Variants in SGK3 observed in about 807,000 individuals in gnomAD.
The protein encoded by SGK3 is serum/glucocorticoid regulated kinase family member 3.
SGK3 carries 47 observed loss-of-function variants against 68.5 expected under a neutral mutation model. That is an observed-to-expected ratio of 0.69 (90% CI 0.54 to 0.87). The LOEUF is 0.87. Ranked by LOEUF, SGK3 falls within the 40% of genes least tolerant of loss-of-function variation. The pLI is 0.00. For synonymous variants in SGK3, 181 were observed against 189.1 expected (o/e 0.96, Z 0.35); for missense variants, 479 against 575.5 (o/e 0.83, Z 1.72).
At chr8:66,793,466 C>T (rs1290837586) in intron 1 of SGK3, 150 bp from the exon 2 acceptor site, 2 of 258,134 alleles carry the variant, frequency 7.7e-6, no homozygotes, top group South Asian at 1.2e-4. Flanking sequence ...AGGAACATAA[C>T]AAACTAAATC....
At position 66,762,443 on chromosome 8, in the gene SGK3, G is replaced by A. The variant is rs531783798; in HGVS notation, c.-121-31173G>A. Among the ~76,000 whole-genome samples the A allele has an allele frequency of 2.0e-4, 30 of 152,196 alleles. 1 individual carries two copies. Among genetic ancestry groups the A allele is most frequent in the African/African-American group, 6.7e-4 (28 of 41,552 alleles). ...GAGGCAGGAGAATTGCTTGAACCAG[G>A]GAGTTGGAGGTTACAGTGAGCCAAG... On this transcript the variant is annotated intron_variant, in intron 1 of 16. Coordinates refer to ENST00000521198, the MANE Select transcript of SGK3 (RefSeq NM_001033578.3).
At chr8:66,767,922 A>T (rs762638883) in intron 1 of SGK3, 1 of 1,082,256 alleles carries the variant, frequency 9.2e-7, no homozygotes, top group Non-Finnish European at 1.4e-6. Context: ...TTGAAGGTCC[A>T]GACCCCAGCT....
chr8:66,818,004 A>G (rs1808663177), intron 5 of SGK3, among the ~76,000 whole-genome samples: 1 of 152,134 alleles, frequency 6.6e-6, no homozygotes, highest in African/African-American at 2.4e-5. Context: ...CCAACTGCTC[A>G]GGAGGCTGAG....
chr8:66,809,666 A>T (rs942457816), intron 4 of SGK3, among the ~76,000 whole-genome samples: 1 of 152,246 alleles, frequency 6.6e-6, no homozygotes, highest in African/African-American at 2.4e-5. Flanking sequence ...ATTTATTTGT[A>T]CCAAAGAGAT....
Position 66,847,174 on chromosome 8 carries a change from T to G in SGK3, c.1075-19T>G, listed in dbSNP as rs778766651. ...AATTTGTTTACCACTAAGTTTATTT[T>G]GCTTTTTTTTTTTTCCAGCCTCCTT... On this transcript the variant is annotated intron_variant, in intron 14 of 16. Transcript: ENST00000521198. The G allele has an allele frequency of 8.8e-6, 14 of 1,586,448 alleles. No individual in the cohort carries two copies. The highest frequency in any genetic ancestry group is 1.2e-5 in the Non-Finnish European group (14 of 1,170,430).
chr8:66,755,951 T>A (rs916747372), intron 1 of SGK3, among the ~76,000 whole-genome samples: 15 of 152,098 alleles, frequency 9.9e-5, no homozygotes, highest in Admixed American at 9.2e-4. Context: ...AGCCAAAGTG[T>A]GATAGCCTGA....
chr8:66,812,526 C>G (rs1227778916), intron 4 of SGK3, among the ~76,000 whole-genome samples: 2 of 151,816 alleles, frequency 1.3e-5, no homozygotes, highest in Admixed American at 6.6e-5. Context: ...CCACTGCACT[C>G]CAGCCTGGGT....
chr8:66,809,826 G>A (rs74451477), intron 4 of SGK3, among the ~76,000 whole-genome samples: 4,676 of 152,284 alleles, frequency 0.031, 110 homozygotes, highest in South Asian at 0.054. Context: ...TAGGGCAGAA[G>A]GATCTGCTTC....
chr8:66,842,376 A>G (rs1045647318), intron 13 of SGK3, among the ~76,000 whole-genome samples: 1 of 151,838 alleles, frequency 6.6e-6, no homozygotes, highest in East Asian at 1.9e-4. Context: ...GCCCGCCACC[A>G]CGCCTGGCTA....
chr8:66,814,084 C>A (rs897482192), intron 5 of SGK3, among the ~76,000 whole-genome samples, 156 bp downstream of exon 5: 3 of 152,118 alleles, frequency 2.0e-5, no homozygotes, highest in Non-Finnish European at 4.4e-5. Context: ...TACTCTTTCT[C>A]CCCTTTTCTC....
chr8:66,842,285 A>G (rs1217781964), intron 13 of SGK3, among the ~76,000 whole-genome samples: 5 of 150,192 alleles, frequency 3.3e-5, no homozygotes, highest in Non-Finnish European at 7.4e-5. Context: ...CAGTGGCGCA[A>G]TCTCAGCTCA....
intron 15 of SGK3, among the ~76,000 whole-genome samples, chr8:66,848,223 A>G (rs1468096803): frequency 6.6e-6 from 1 of 152,222 alleles, no homozygotes; most frequent in East Asian, 1.9e-4. Flanking sequence ...CATTTATTGA[A>G]TTCATTGACA....
chr8:66,814,075 ACT>A, intron 5 of SGK3, 147 bp downstream of exon 5: 1 of 518,458 alleles, frequency 1.9e-6, no homozygotes, highest in East Asian at 3.6e-5. Flanking sequence ...TCTCCCTGAT[ACT>A]CTTTCTCCCC....
At chr8:66,730,007 G>A (rs1805100923) in intron 1 of SGK3, among the ~76,000 whole-genome samples, 1 of 152,060 alleles carries the variant, frequency 6.6e-6, no homozygotes, top group African/African-American at 2.4e-5. Flanking sequence ...CTCTCTAAGT[G>A]TTAGGATTAC....
At chr8:66,836,756 A>G (rs1809549759) in intron 10 of SGK3, among the ~76,000 whole-genome samples, 1 of 151,174 alleles carries the variant, frequency 6.6e-6, no homozygotes, top group South Asian at 2.1e-4. Flanking sequence ...TCTGCCTTAA[A>G]CAAAGTCAGG....
intron 1 of SGK3, among the ~76,000 whole-genome samples, chr8:66,764,771 T>C (rs868114322): frequency 2.0e-5 from 3 of 152,238 alleles, no homozygotes; most frequent in African/African-American, 7.2e-5. Flanking sequence ...AACATTATGC[T>C]AAATGAAATA....
At chr8:66,821,275 G>A (rs1024356241) in intron 5 of SGK3, among the ~76,000 whole-genome samples, 1 of 151,872 alleles carries the variant, frequency 6.6e-6, no homozygotes, top group African/African-American at 2.4e-5. Flanking sequence ...TTATATGTCT[G>A]TGTATCTTTG....
chr8:66,835,703 A>G, intron 8 of SGK3, 60 bp from the exon 9 acceptor site: 1 of 1,538,328 alleles, frequency 6.5e-7, no homozygotes, highest in South Asian at 1.2e-5. Context: ...TTGACAAGTG[A>G]ATTATTTCTA....
At chr8:66,793,942 T>TAAAAGA (rs1807568823) in intron 2 of SGK3, 110 bp downstream of exon 2, 1 of 1,078,020 alleles carries the variant, frequency 9.3e-7, no homozygotes, top group Non-Finnish European at 1.3e-6. Flanking sequence ...TCCACATACC[T>TAAAAGA]AGATTTTACT....
Sources: gnomAD v4.1 joint callset for allele counts (sites outside exome capture counted in the v4.1 genomes callset) on GRCh38, gnomAD v4.1.1 for gene constraint, MANE v1.5 for transcripts, NCBI Gene and HGNC (gene_info 2026-07-23, HGNC 2026-07-21) for gene names.